The following ASTN2 variants were observed in gnomAD, a reference collection of about 807,000 sequenced individuals.
ASTN2 encodes the protein astrotactin-2.
ASTN2 carries 54 observed loss-of-function variants against 139.8 expected under a neutral mutation model. That is an observed-to-expected ratio of 0.39 (90% CI 0.31 to 0.48). The LOEUF is 0.48. Among genes scored for constraint, ASTN2 ranks in the 20% least tolerant of loss-of-function variants. ASTN2 has a pLI of 0.95. For missense variants in ASTN2, 1,565 were observed against 1,725.1 expected (o/e 0.91, Z 1.64); for synonymous variants, 756 against 719.5 (o/e 1.05, Z -0.81).
At chr9:117,116,053 T>TATATA (rs55920877) in intron 4 of ASTN2, among the ~76,000 whole-genome samples, 1 of 150,440 alleles carries the variant, frequency 6.6e-6, no homozygotes, top group African/African-American at 2.5e-5. Flanking sequence ...TATATATATA[T>TATATA]TGCTCCCATC....
At chr9:116,820,582 A>G (rs1419873465) in intron 12 of ASTN2, 35 bp downstream of exon 12, 40 of 1,601,202 alleles carry the variant, frequency 2.5e-5, no homozygotes, top group Non-Finnish European at 3.4e-5. Flanking sequence ...CACTTCTGTA[A>G]ATGGGGCACC....
At chr9:116,825,605 T>C (rs1831603601) in intron 11 of ASTN2, among the ~76,000 whole-genome samples, 1 of 152,126 alleles carries the variant, frequency 6.6e-6, no homozygotes, top group Non-Finnish European at 1.5e-5. Context: ...CAGAAGTAAG[T>C]AAGCAGAGAC....
chr9:116,508,232 A>G (rs1311688526), intron 19 of ASTN2, among the ~76,000 whole-genome samples: 2 of 152,174 alleles, frequency 1.3e-5, no homozygotes, highest in African/African-American at 4.8e-5. Context: ...CACAACAGGG[A>G]TAGAGATAGT....
At chr9:117,054,804 C>T (rs1839012051) in intron 5 of ASTN2, among the ~76,000 whole-genome samples, 1 of 152,098 alleles carries the variant, frequency 6.6e-6, no homozygotes, top group Non-Finnish European at 1.5e-5. Flanking sequence ...ATCAGTGGTC[C>T]CCAACCTTTT....
intron 10 of ASTN2, among the ~76,000 whole-genome samples, chr9:116,909,482 G>A (rs1196576829): frequency 6.6e-6 from 1 of 152,082 alleles, no homozygotes; most frequent in Non-Finnish European, 1.5e-5. Context: ...AAAACTGTGG[G>A]AGAAACAGGT....
intron 1 of ASTN2, among the ~76,000 whole-genome samples, chr9:117,394,622 A>G (rs1382907220): frequency 6.6e-6 from 1 of 152,234 alleles, no homozygotes; most frequent in East Asian, 1.9e-4. Flanking sequence ...CGAAACAGGT[A>G]AGTTCCACCA....
rs1833131054 is a variant in ASTN2, at chr9:117,239,055, CCA to C, written c.631-24315_631-24314del. ...ACTTCATCAATGTAAAAACTCAGGC[CCA>C]GAGAGTTTATCTGCCTTGTCCAAGG... On this transcript the variant is annotated intron_variant, in intron 2 of 22. Coordinates refer to ENST00000313400, the MANE Select transcript of ASTN2 (RefSeq NM_001365068.1). 2.0e-5 allele frequency among the ~76,000 whole-genome samples: 3 copies of C among 152,204 alleles called. No homozygotes were observed. In the South Asian group the frequency reaches 6.2e-4, roughly 32 times the overall value.
At chr9:116,905,890 C>G (rs28398083) in intron 10 of ASTN2, among the ~76,000 whole-genome samples, 1 of 150,188 alleles carries the variant, frequency 6.7e-6, no homozygotes, top group Non-Finnish European at 1.5e-5. Flanking sequence ...GGGGGTGTGC[C>G]GTTTAAGAGC....
At chr9:117,182,283 A>AGTGAACT (rs1831092036) in intron 3 of ASTN2, among the ~76,000 whole-genome samples, 2 of 152,034 alleles carry the variant, frequency 1.3e-5, no homozygotes, top group Middle Eastern at 3.4e-3. Context: ...CATTTCCCTG[A>AGTGAACT]GTGAACTCAG....
At chr9:117,051,406 C>A (rs2132668402) in intron 5 of ASTN2, among the ~76,000 whole-genome samples, 1 of 152,226 alleles carries the variant, frequency 6.6e-6, no homozygotes, top group South Asian at 2.1e-4. Context: ...TATTGAGAGG[C>A]AAACCAGGAT....
At chr9:116,726,072 G>C in intron 15 of ASTN2, 122 bp from the exon 16 acceptor site, 1 of 848,048 alleles carries the variant, frequency 1.2e-6, no homozygotes, top group South Asian at 1.7e-5. Context: ...CACAGTGGCA[G>C]CTTGGTGGCT....
intron 5 of ASTN2, among the ~76,000 whole-genome samples, chr9:117,060,790 G>A (rs940023592): frequency 2.6e-5 from 4 of 152,014 alleles, no homozygotes; most frequent in African/African-American, 9.7e-5. Context: ...AGCTACTCGG[G>A]AGGCTGAGGC....
At chr9:116,615,920 C>A (rs1327497109) in intron 19 of ASTN2, among the ~76,000 whole-genome samples, 2 of 151,736 alleles carry the variant, frequency 1.3e-5, no homozygotes, top group Non-Finnish European at 2.9e-5. Context: ...TAATCAAACA[C>A]TACATTAAAA....
intron 20 of ASTN2, among the ~76,000 whole-genome samples, chr9:116,483,472 T>C (rs1849238394): frequency 1.3e-5 from 2 of 151,608 alleles, no homozygotes; most frequent in African/African-American, 2.4e-5. Context: ...TGGAGTGGGG[T>C]CAGAGAGAGG....
intron 16 of ASTN2, among the ~76,000 whole-genome samples, chr9:116,701,663 C>T (rs1443662480): frequency 6.6e-6 from 1 of 152,198 alleles, no homozygotes; most frequent in Non-Finnish European, 1.5e-5. Context: ...ATTTAGATCT[C>T]TACCCATCTA....
chr9:116,454,054 G>A (rs535525633), intron 20 of ASTN2, among the ~76,000 whole-genome samples: 1 of 152,300 alleles, frequency 6.6e-6, no homozygotes, highest in Non-Finnish European at 1.5e-5. Flanking sequence ...GTCTTCACTG[G>A]TGAATGATAG....
intron 2 of ASTN2, among the ~76,000 whole-genome samples, chr9:117,284,386 T>G (rs1271484565): frequency 6.6e-6 from 1 of 152,176 alleles, no homozygotes; most frequent in South Asian, 2.1e-4. Flanking sequence ...ATTACAGGCT[T>G]CAGCCACCGC....
rs371449284 is a variant in ASTN2, at chr9:117,039,838, G to T, written c.1404C>A (p.Pro468=). ...PLTVKVTLHV[P]EHFIADGSSF... ...TCTTACCATCTGCTATGAAGTGCTC[G>T]GGCACATGCAGAGTCACCTTCACAG... is the stretch of plus-strand genomic sequence containing the variant. The change falls in exon 6 of 23, where the codon CCC becomes CCA. Residue 468 remains proline (P), a synonymous_variant. Coordinates refer to ENST00000313400, the MANE Select transcript of ASTN2 (RefSeq NM_001365068.1). 6.2e-7 allele frequency: 1 copy of T among 1,613,462 alleles called. No individual in the cohort carries two copies. The highest frequency in any genetic ancestry group is 8.5e-7 in the Non-Finnish European group (1 of 1,179,758).
intron 17 of ASTN2, among the ~76,000 whole-genome samples, chr9:116,641,485 G>A (rs1034249286): frequency 2.0e-5 from 3 of 152,128 alleles, no homozygotes; most frequent in Non-Finnish European, 4.4e-5. Flanking sequence ...TGGACTTGAT[G>A]AGAGGGTTCA....
Sources: gnomAD v4.1 joint callset for allele counts (sites outside exome capture counted in the v4.1 genomes callset) on GRCh38, gnomAD v4.1.1 for gene constraint, MANE v1.5 for transcripts, NCBI Gene and HGNC (gene_info 2026-07-23, HGNC 2026-07-21) for gene names.